Variants in THBS4 observed in about 807,000 individuals in gnomAD.
The protein encoded by THBS4 is thrombospondin 4.
THBS4 carries 90 observed loss-of-function variants against 115.7 expected under a neutral mutation model. The observed-to-expected ratio is 0.78, with a 90% CI of 0.66 to 0.93. THBS4 has a LOEUF of 0.93. Among genes scored for constraint, THBS4 ranks in the 40% least tolerant of loss-of-function variants. THBS4 has a pLI of 0.00. For synonymous variants in THBS4, 460 were observed against 479.3 expected (o/e 0.96, Z 0.53); for missense variants, 1,087 against 1,232.7 (o/e 0.88, Z 1.77).
At chr5:80,045,819 C>A (rs1421882305) in intron 2 of THBS4, among the ~76,000 whole-genome samples, 1 of 152,158 alleles carries the variant, frequency 6.6e-6, no homozygotes, top group Non-Finnish European at 1.5e-5. Flanking sequence ...CCGTGAGCAA[C>A]CATGCCCGGC....
chr5:80,075,014 T>C (rs535924422), intron 15 of THBS4, among the ~76,000 whole-genome samples: 7 of 152,188 alleles, frequency 4.6e-5, no homozygotes, highest in Non-Finnish European at 8.8e-5. Context: ...GTCCCTTATA[T>C]AAAATGATGT....
chr5:79,994,513 G>A (rs1831750062), intron 1 of THBS4, among the ~76,000 whole-genome samples: 1 of 152,112 alleles, frequency 6.6e-6, no homozygotes, highest in Non-Finnish European at 1.5e-5. Flanking sequence ...TGTATGCCTA[G>A]CACACTGCAA....
intron 2 of THBS4, among the ~76,000 whole-genome samples, chr5:80,044,244 T>C (rs548364441): frequency 1.3e-5 from 2 of 152,296 alleles, no homozygotes; most frequent in Admixed American, 6.5e-5. Context: ...ATACAGCCCT[T>C]ATCTTTGCAT....
At chr5:80,080,849 TGCTGG>T (rs1189176328) in intron 20 of THBS4, among the ~76,000 whole-genome samples, 1 of 152,068 alleles carries the variant, frequency 6.6e-6, no homozygotes, top group African/African-American at 2.4e-5. Flanking sequence ...CCTCCCAAAG[TGCTGG>T]GATTACAGGC....
rs191150952 is a variant in THBS4, at chr5:80,050,194, A to C, written c.293-5591A>C. Among the ~76,000 whole-genome samples, 79 of 152,242 alleles carry C rather than the reference A, an allele frequency of 5.2e-4. 1 individual carries two copies. The East Asian group carries it at 0.013, about 25-fold the overall frequency. ...TCACCTTGCCCACTGCCTACACAGA[A>C]CCCATTTATCAAGACAGGGGAATTG... is the stretch of plus-strand genomic sequence containing the variant. On this transcript the variant is annotated intron_variant, in intron 2 of 21. Transcript: ENST00000350881.
chr5:80,043,441 C>A (rs568680252), intron 2 of THBS4, among the ~76,000 whole-genome samples: 1 of 152,304 alleles, frequency 6.6e-6, no homozygotes, highest in East Asian at 1.9e-4. Flanking sequence ...ATGGTAGGCT[C>A]CAGACAGCAT....
At chr5:80,020,803 G>C (rs1832356574) in intron 2 of THBS4, among the ~76,000 whole-genome samples, 1 of 152,140 alleles carries the variant, frequency 6.6e-6, no homozygotes. Context: ...AGGCTTCTAA[G>C]GACTACATGG....
At chr5:80,039,571 C>T (rs527689651) in intron 1 of THBS4, among the ~76,000 whole-genome samples, 3 of 152,278 alleles carry the variant, frequency 2.0e-5, no homozygotes, top group East Asian at 1.9e-4. Flanking sequence ...CACTTTCTAC[C>T]AGCACATCTA....
chr5:80,053,221 T>C (rs1046350851), intron 2 of THBS4: 3 of 152,140 alleles, frequency 2.0e-5, no homozygotes, highest in African/African-American at 7.2e-5. Flanking sequence ...TTTTTTTTAC[T>C]TAACAAAATA....
Position 80,076,904 on chromosome 5 carries a change from A to C in THBS4, c.1942A>C (p.Asn648His). ...DSTDNCPTVI[N>H]SAQLDTDKDG... ...CACAGACAACTGCCCCACCGTCATT[A>C]ACAGTGCCCAGCTGGACACCGATAA... Residue 648 changes from asparagine to histidine, a missense_variant, in exon 16 of 22, where the codon AAC becomes CAC. Transcript: ENST00000350881. The C allele has an allele frequency of 6.2e-7, 1 of 1,612,652 alleles. No individual in the cohort carries two copies. Among genetic ancestry groups the C allele is most frequent in the Non-Finnish European group, 8.5e-7 (1 of 1,179,170 alleles).
rs1188765207 is a variant in THBS4 at position 80,072,641 on chromosome 5, A to C, written c.1839+245A>C. The C allele has an allele frequency of 6.1e-6, 3 of 489,752 alleles. No individual in the cohort carries two copies. The East Asian group carries it at 9.6e-5, about 16-fold the overall frequency. 30.3% of individuals were successfully genotyped at this position (489,752 alleles called of 1,614,324 possible). A position where few individuals can be genotyped will look rare whatever the true frequency, so the allele number is the denominator to read the frequency against. ...CTGTGAGGTTAGTAACACGAACTTC[A>C]TGATGCTCAATACAAGTATTTTTCC... is the stretch of plus-strand genomic sequence containing the variant. On this transcript the variant is annotated intron_variant, in intron 14 of 21. Coordinates refer to ENST00000350881, the MANE Select transcript of THBS4 (RefSeq NM_003248.6).
At chr5:80,003,938 G>A (rs1043407232) in intron 2 of THBS4, among the ~76,000 whole-genome samples, 1 of 152,202 alleles carries the variant, frequency 6.6e-6, no homozygotes, top group African/African-American at 2.4e-5. Context: ...TAAAAGTGTA[G>A]CTGAGCACAG....
chr5:80,050,361 T>G (rs1833215415), intron 2 of THBS4, among the ~76,000 whole-genome samples: 1 of 152,086 alleles, frequency 6.6e-6, no homozygotes, highest in East Asian at 1.9e-4. Flanking sequence ...AAGTGGGGAG[T>G]GCTGATTGGT....
chr5:80,065,998 A>G (rs1236183907), intron 9 of THBS4, among the ~76,000 whole-genome samples: 1 of 151,480 alleles, frequency 6.6e-6, no homozygotes, highest in Non-Finnish European at 1.5e-5. Context: ...TGGAGGCTGA[A>G]GCAGGAGAAT....
Position 80,035,672 on chromosome 5 carries a change from C to T in THBS4, c.88+47C>T. 1 of 1,256,418 alleles carries T rather than the reference C, an allele frequency of 8.0e-7. No homozygotes were observed. Among genetic ancestry groups the T allele is most frequent in the Non-Finnish European group, 1.0e-6 (1 of 985,268 alleles). 77.8% of individuals were successfully genotyped at this position (1,256,418 alleles called of 1,614,324 possible). A position where few individuals can be genotyped will look rare whatever the true frequency, so the allele number is the denominator to read the frequency against. ...CTGGGAGCGCCGGGCACCGGGTGCC[C>T]CATCTGCTGAGTGAGTGGAGGGACT... On this transcript the variant is annotated intron_variant, in intron 1 of 21. Transcript: ENST00000350881. This position sits in a 1 kb window ranked among gnomAD's most constrained non-coding sequence, Gnocchi z 4.6.
In THBS4 at chr5:80,055,968, C is replaced by T; in HGVS notation, c.476C>T (p.Ala159Val). The change falls in exon 3 of 22, where the codon GCC becomes GTC. Residue 159 changes from alanine (A) to valine (V), a missense_variant. Ala to Val is a moderately conservative substitution (Grantham distance 64). Around this residue, in one of 3 missense-constraint regions of THBS4, gnomAD observed 979 missense variants for 1,103.7 expected, o/e 0.89. Transcript: ENST00000350881. Reference protein sequence around the residue: ...QVDSVHNLPRAFAGPSQKPET... With the variant: ...QVDSVHNLPRVFAGPSQKPET... ...GATTCCGTTCACAATCTCCCCAGGG[C>T]CTTTGCTGGCCCCTCCCAGAAACCT... 1 of 1,614,000 alleles carries T rather than the reference C, an allele frequency of 6.2e-7. No individual in the cohort carries two copies. Among genetic ancestry groups the T allele is most frequent in the Middle Eastern group, 1.7e-4 (1 of 6,060 alleles).
At chr5:80,072,579 T>C (rs1019323352) in intron 14 of THBS4, 183 bp downstream of exon 14, 8 of 623,604 alleles carry the variant, frequency 1.3e-5, no homozygotes, top group African/African-American at 1.3e-4. Context: ...ACACAAGATC[T>C]GAAGCCCTAG....
intron 2 of THBS4, among the ~76,000 whole-genome samples, chr5:80,018,998 T>C (rs72772254): frequency 0.028 from 4,202 of 152,158 alleles, 87 homozygotes; most frequent in Middle Eastern, 0.041. Flanking sequence ...GGATTTTCTT[T>C]TACTTCGATT....
At chr5:80,071,733 T>G in intron 13 of THBS4, 1 of 165,244 alleles carries the variant, frequency 6.1e-6, no homozygotes, top group Admixed American at 5.6e-5. Context: ...TGACCTCACC[T>G]TCTGCAAGCC....
Sources: gnomAD v4.1 joint callset for allele counts (sites outside exome capture counted in the v4.1 genomes callset) on GRCh38, gnomAD v4.1.1 for gene constraint, gnomAD v4.1.1 regional missense constraint, Gnocchi (gnomAD v3.1) non-coding constraint, MANE v1.5 for transcripts, NCBI Gene and HGNC (gene_info 2026-07-23, HGNC 2026-07-21) for gene names.